ROR1: variants seen among roughly 807,000 people sequenced by gnomAD.
The protein encoded by ROR1 is ROR family WNT receptor 1.
In ROR1, 19 loss-of-function variants were observed where a neutral mutation model predicts 78.8. The ratio of observed to expected loss-of-function variants is 0.24; its 90% CI spans 0.17 to 0.35. ROR1 has a LOEUF of 0.35. Among genes scored for constraint, ROR1 ranks in the 10% least tolerant of loss-of-function variants. The pLI is 1.00. For missense variants in ROR1, 917 were observed against 1,177.8 expected (o/e 0.78, Z 3.24); for synonymous variants, 386 against 433.6 (o/e 0.89, Z 1.36).
In ROR1 at chr1:64,031,264, T is replaced by G. The variant is rs1475784911; in HGVS notation, c.164-18427T>G. 3.3e-5 allele frequency among the ~76,000 whole-genome samples: 5 copies of G among 152,220 alleles called. No individual in the cohort carries two copies. In the East Asian group the frequency reaches 9.6e-4, roughly 29 times the overall value. On this transcript the variant is annotated intron_variant, in intron 2 of 8. Transcript: ENST00000371079. ...TGGTTCTGACCAGTAGAGGCTGTAT[T>G]TTTCAACCAAAGGCTACACTGTCTG...
intron 4 of ROR1, among the ~76,000 whole-genome samples, chr1:64,059,613 G>T (rs1646901131): frequency 6.6e-6 from 1 of 151,578 alleles, no homozygotes; most frequent in African/African-American, 2.4e-5. Flanking sequence ...GGAGGCTGAG[G>T]CAGGAGAATA....
rs112433459 is a variant in ROR1, at chr1:64,028,346, G to A, written c.163+18970G>A. ...ATCAAATGAATTGGGCACATAATAG[G>A]TTTGGGGAAGTTTGGGTAAGACTTT... On this transcript the variant is annotated intron_variant, in intron 2 of 8. Coordinates refer to ENST00000371079, the MANE Select transcript of ROR1 (RefSeq NM_005012.4). Among the ~76,000 whole-genome samples the A allele has an allele frequency of 3.7e-3, 561 of 152,240 alleles. 2 individuals carry two copies. Among genetic ancestry groups the A allele is most frequent in the Non-Finnish European group, 6.3e-3 (426 of 68,026 alleles).
intron 4 of ROR1, among the ~76,000 whole-genome samples, chr1:64,057,549 A>G (rs1483322310): frequency 3.9e-5 from 6 of 152,242 alleles, no homozygotes; most frequent in Admixed American, 6.5e-5. Flanking sequence ...TGCTCATGCC[A>G]TAGTCCACAG....
At chr1:64,022,941 A>T (rs1317395784) in intron 2 of ROR1, among the ~76,000 whole-genome samples, 3 of 152,262 alleles carry the variant, frequency 2.0e-5, no homozygotes, top group Non-Finnish European at 2.9e-5. Flanking sequence ...TTATAATAAC[A>T]TTTATTTATA....
At chr1:63,876,301 G>A (rs1645284561) in intron 1 of ROR1, among the ~76,000 whole-genome samples, 1 of 152,120 alleles carries the variant, frequency 6.6e-6, no homozygotes, top group South Asian at 2.1e-4. Flanking sequence ...TAAAAAATGT[G>A]TGACTGATTT....
chr1:63,948,830 G>A (rs1645911282), intron 1 of ROR1, among the ~76,000 whole-genome samples: 1 of 152,180 alleles, frequency 6.6e-6, no homozygotes, highest in South Asian at 2.1e-4. Context: ...CAGGAAGCGA[G>A]GCCTTACTGG....
At chr1:63,882,942 A>C (rs1230709375) in intron 1 of ROR1, among the ~76,000 whole-genome samples, 2 of 149,002 alleles carry the variant, frequency 1.3e-5, no homozygotes, top group Non-Finnish European at 2.9e-5. Flanking sequence ...CTGTCTTCAA[A>C]TATTTTGAAG....
intron 1 of ROR1, among the ~76,000 whole-genome samples, chr1:63,880,441 G>A (rs186960406): frequency 2.9e-3 from 434 of 152,252 alleles, no homozygotes; most frequent in African/African-American, 0.01. Flanking sequence ...CTTCATACAA[G>A]GAGAGAGAAC....
intron 4 of ROR1, among the ~76,000 whole-genome samples, chr1:64,063,984 T>C (rs140742940): frequency 6.6e-6 from 1 of 152,310 alleles, no homozygotes; most frequent in East Asian, 1.9e-4. Context: ...AGCACCATAT[T>C]GTAGACACCA....
intron 1 of ROR1, among the ~76,000 whole-genome samples, chr1:63,834,653 C>T (rs1018576980): frequency 1.3e-5 from 2 of 152,156 alleles, no homozygotes; most frequent in African/African-American, 4.8e-5. Flanking sequence ...TACATTTCTT[C>T]CTCTGAGACA....
chr1:63,871,139 T>A (rs1186351099), intron 1 of ROR1, among the ~76,000 whole-genome samples: 1 of 152,250 alleles, frequency 6.6e-6, no homozygotes, highest in Non-Finnish European at 1.5e-5. Context: ...CTTCACATTA[T>A]AATTTTATTG....
chr1:63,915,727 G>A (rs1040530684), intron 1 of ROR1, among the ~76,000 whole-genome samples: 2 of 152,102 alleles, frequency 1.3e-5, no homozygotes, highest in African/African-American at 4.8e-5. Context: ...GGGTTTGGAA[G>A]CATTTTTGAT....
At chr1:63,858,094 C>A (rs1426974905) in intron 1 of ROR1, among the ~76,000 whole-genome samples, 2 of 152,192 alleles carry the variant, frequency 1.3e-5, no homozygotes. Flanking sequence ...TTGAATTGTG[C>A]TGAGTGGTTA....
chr1:64,148,892 A>G (rs1007155798), intron 7 of ROR1, among the ~76,000 whole-genome samples: 1 of 145,358 alleles, frequency 6.9e-6, no homozygotes, highest in Non-Finnish European at 1.6e-5. Context: ...ATTACTAATT[A>G]TTTATTCATT....
chr1:63,966,144 G>A (rs1234128550), intron 1 of ROR1, among the ~76,000 whole-genome samples: 1 of 152,112 alleles, frequency 6.6e-6, no homozygotes, highest in Admixed American at 6.5e-5. Context: ...ATGTAATTTC[G>A]CCAATGTGGT....
At chr1:63,781,040 G>C (rs1156392149) in intron 1 of ROR1, among the ~76,000 whole-genome samples, 1 of 152,144 alleles carries the variant, frequency 6.6e-6, no homozygotes, top group Admixed American at 6.5e-5. Flanking sequence ...AGAGAGAAGA[G>C]TAATGAAGCG....
At chr1:63,968,202 G>GTTATCCATAAATCGTT (rs1410204569) in intron 1 of ROR1, among the ~76,000 whole-genome samples, 1 of 152,104 alleles carries the variant, frequency 6.6e-6, no homozygotes, top group Non-Finnish European at 1.5e-5. Context: ...TGTAGATAAC[G>GTTATCCATAAATCGTT]ATTTATGGAT....
intron 1 of ROR1, among the ~76,000 whole-genome samples, chr1:63,849,231 G>T (rs1172622016): frequency 6.6e-6 from 1 of 152,176 alleles, no homozygotes; most frequent in Non-Finnish European, 1.5e-5. Flanking sequence ...AATGGTAATT[G>T]TTGTTTTCTG....
At chr1:63,877,671 G>A (rs1026009844) in intron 1 of ROR1, among the ~76,000 whole-genome samples, 1 of 152,018 alleles carries the variant, frequency 6.6e-6, no homozygotes, top group Non-Finnish European at 1.5e-5. Flanking sequence ...GGCCGGAGGA[G>A]ATCTCTATAT....
Sources: allele counts gnomAD v4.1 joint callset (sites outside exome capture counted in the v4.1 genomes callset), GRCh38; gene constraint gnomAD v4.1.1; transcripts MANE v1.5; gene names NCBI Gene and HGNC (gene_info 2026-07-23, HGNC 2026-07-21).